The following PHLDA3 variants were observed in gnomAD, a reference collection of about 807,000 sequenced individuals.
The protein encoded by PHLDA3 is pleckstrin homology-like domain family A member 3.
A neutral mutation model predicts 7.6 loss-of-function variants in PHLDA3; 12 were observed. That is an observed-to-expected ratio of 1.58 (90% CI 1.01 to 2.55). PHLDA3 has a LOEUF of 2.55. Among genes scored for constraint, PHLDA3 ranks in the 30% most tolerant of loss-of-function variants. The pLI, the probability that PHLDA3 is intolerant of heterozygous loss-of-function variation, is 0.00. For missense variants in PHLDA3, 177 were observed against 175.6 expected (o/e 1.01, Z -0.05); for synonymous variants, 104 against 85.1 (o/e 1.22, Z -1.23).
chr1:201,467,847 T>C (rs1047756785), intron 1 of PHLDA3, among the ~76,000 whole-genome samples: 4 of 152,196 alleles, frequency 2.6e-5, no homozygotes, highest in African/African-American at 9.7e-5. Context: ...TCTACATCAA[T>C]TCAATGCTCA....
At chr1:201,466,928 T>C (rs1288357938) in intron 1 of PHLDA3, among the ~76,000 whole-genome samples, 1 of 151,922 alleles carries the variant, frequency 6.6e-6, no homozygotes, top group East Asian at 1.9e-4. Flanking sequence ...CCCCACCCCT[T>C]GGCATCAGTG....
Position 201,468,420 on chromosome 1 carries a change from C to G in PHLDA3, c.367G>C (p.Gly123Arg), listed in dbSNP as rs1409941030. 2.5e-6 allele frequency: 4 copies of G among 1,613,934 alleles called. No individual in the cohort carries two copies. Among genetic ancestry groups the G allele is most frequent in the African/African-American group, 1.3e-5 (1 of 74,938 alleles). The change falls in exon 1 of 2, where the codon GGG (glycine) becomes CGG (arginine). Residue 123 changes from glycine (G) to arginine (R), a missense_variant. Transcript: ENST00000367311. ...TVRARQSLGT[G>R]TLVS The stretch of plus-strand genomic sequence containing the variant: ...CCGGTGGTTTAGGACACGAGGGTCC[C>G]GGTCCCGAGGCTCTGCCGGGCCCGC...
intron 1 of PHLDA3, 46 bp downstream of exon 1, chr1:201,468,295 G>A (rs1663723282): frequency 2.5e-6 from 3 of 1,221,050 alleles, no homozygotes; most frequent in Admixed American, 2.2e-5. Flanking sequence ...AGGGGAAAGA[G>A]AAGGGAGGGA....
At position 201,464,869 on chromosome 1, in the gene PHLDA3, G is replaced by T. The variant is rs1454779030; in HGVS notation, c.*1372C>A. ...GCTTTGTCACCTAGGCTGGAGTGCA[G>T]TGGTGCCATCTCAGCTCACTGTAAC... On this transcript the variant is annotated 3_prime_UTR_variant, in exon 2 of 2. Coordinates refer to ENST00000367311, the MANE Select transcript of PHLDA3 (RefSeq NM_012396.5). 1.3e-5 allele frequency: 2 copies of T among 152,202 alleles called. No homozygotes were observed. The highest frequency in any genetic ancestry group is 4.8e-5 in the African/African-American group (2 of 41,418). 9.4% of individuals were successfully genotyped at this position (152,202 alleles called of 1,614,324 possible).
At chr1:201,466,977 T>C (rs1242438421) in intron 1 of PHLDA3, among the ~76,000 whole-genome samples, 1 of 152,156 alleles carries the variant, frequency 6.6e-6, no homozygotes, top group Non-Finnish European at 1.5e-5. Flanking sequence ...TTCAGCTCCC[T>C]TGCTCTCCTA....
chr1:201,469,037 C>G lies in PHLDA3; in HGVS notation c.-251G>C. On this transcript the variant is annotated 5_prime_UTR_variant, in exon 1 of 2. Transcript: ENST00000367311. The stretch of plus-strand genomic sequence containing the variant: ...CACCCGCTCCTCCGCTCTACCCCAG[C>G]TGGCCCAGCCCGACCCGCCTCTGCC... 1 of 398,390 alleles carries G rather than the reference C, an allele frequency of 2.5e-6. No individual in the cohort carries two copies. 24.7% of individuals were successfully genotyped at this position (398,390 alleles called of 1,614,324 possible). A position where few individuals can be genotyped will look rare whatever the true frequency, so the allele number is the denominator to read the frequency against.
At chr1:201,466,561 A>T (rs1274429806) in intron 1 of PHLDA3, 2 of 152,040 alleles carry the variant, frequency 1.3e-5, no homozygotes, top group Non-Finnish European at 2.9e-5. Flanking sequence ...GTGGGGAGAG[A>T]AGGATCTAGG....
chr1:201,468,516 C>G lies in PHLDA3; in HGVS notation c.271G>C (p.Asp91His). The change falls in exon 1 of 2, where the codon GAT becomes CAT. Residue 91 changes from aspartate (D) to histidine (H), a missense_variant. Transcript: ENST00000367311. ...GTGATCTGGGCGTTCCAGCCGGGATCTTCCAGGGGGCAGCGGAAGTCGATC... is the reference window on the plus strand; with the variant it reads ...GTGATCTGGGCGTTCCAGCCGGGATGTTCCAGGGGGCAGCGGAAGTCGATC... ...GEIDFRCPLE[D>H]PGWNAQITLG... 3 of 1,614,204 alleles carry G rather than the reference C, an allele frequency of 1.9e-6. No individual in the cohort carries two copies. The African/African-American group carries it at 4.0e-5, about 22-fold the overall frequency.
chr1:201,469,043 C>T lies in PHLDA3; in HGVS notation c.-257G>A. ...CTCCTCCGCTCTACCCCAGCTGGCC[C>T]AGCCCGACCCGCCTCTGCCAGATGC... is the stretch of plus-strand genomic sequence containing the variant. On this transcript the variant is annotated 5_prime_UTR_variant, in exon 1 of 2. Transcript: ENST00000367311. The T allele has an allele frequency of 2.6e-6, 1 of 389,792 alleles. No homozygotes were observed. Among genetic ancestry groups the T allele is most frequent in the Non-Finnish European group, 4.5e-6 (1 of 224,598 alleles). 24.1% of individuals were successfully genotyped at this position (389,792 alleles called of 1,614,324 possible). A position where few individuals can be genotyped will look rare whatever the true frequency, so the allele number is the denominator to read the frequency against.
intron 1 of PHLDA3, 109 bp downstream of exon 1, chr1:201,468,232 C>T: frequency 1.2e-6 from 1 of 816,478 alleles, no homozygotes; most frequent in Middle Eastern, 3.6e-4. Flanking sequence ...CCAGGAACCT[C>T]CCCCCTAAGA....
rs376646604 is a variant in PHLDA3 at position 201,467,092 on chromosome 1, C to G, written c.*63-914G>C. On this transcript the variant is annotated intron_variant, in intron 1 of 1. Transcript: ENST00000367311. ...TTGGGAGGCCAAGGTGGGCAGATTGCTTGAGCTCAGGAGTTCGAAACCAGC... is the reference window on the plus strand; with the variant it reads ...TTGGGAGGCCAAGGTGGGCAGATTGGTTGAGCTCAGGAGTTCGAAACCAGC... Among the ~76,000 whole-genome samples, 27 of 152,218 alleles carry G rather than the reference C, an allele frequency of 1.8e-4. No individual in the cohort carries two copies. The South Asian group carries it at 4.8e-3, about 27-fold the overall frequency.
At position 201,468,862 on chromosome 1, in the gene PHLDA3, C is replaced by T; in HGVS notation, c.-76G>A. 1 of 1,384,368 alleles carries T rather than the reference C, an allele frequency of 7.2e-7. No individual in the cohort carries two copies. The allele number at this position is 1,384,368 out of a possible 1,614,324, so 85.8% of individuals were successfully genotyped here. A position where few individuals can be genotyped will look rare whatever the true frequency, so the allele number is the denominator to read the frequency against. On this transcript the variant is annotated 5_prime_UTR_variant, in exon 1 of 2. Transcript: ENST00000367311. ...CCTCTCGGCCCCGCAGCGCAGGATT[C>T]TGGCGCCCCGGGCTGGCAGGCCGTG...
At chr1:201,467,720 A>T (rs1400118321) in intron 1 of PHLDA3, 1 of 153,124 alleles carries the variant, frequency 6.5e-6, no homozygotes, top group Admixed American at 6.6e-5. Flanking sequence ...GGCCCAGTCC[A>T]GCCAAGGCGG....
In PHLDA3 at chr1:201,468,545, C is replaced by A; in HGVS notation, c.242G>T (p.Gly81Val). Residue 81 changes from glycine (G) to valine (V), a missense_variant, in exon 1 of 2, where the codon GGC becomes GTC. By Grantham distance (109) the Gly-to-Val change is moderately radical. Transcript: ENST00000367311. ...CAGGGGGCAGCGGAAGTCGATCTCG[C>A]CGCCCCCTTCGGTCACCAGCGTGAA... ...IYFTLVTEGG[G>V]EIDFRCPLED... is the part of the protein sequence containing the mutation. The A allele has an allele frequency of 6.2e-7, 1 of 1,614,156 alleles. No individual in the cohort carries two copies. The highest frequency in any genetic ancestry group is 8.5e-7 in the Non-Finnish European group (1 of 1,180,034).
In PHLDA3 at chr1:201,468,898, A is replaced by G. The variant is rs1317651634; in HGVS notation, c.-112T>C. 10 of 1,208,540 alleles carry G rather than the reference A, an allele frequency of 8.3e-6. No homozygotes were observed. The highest frequency in any genetic ancestry group is 9.7e-6 in the Non-Finnish European group (9 of 930,556). The allele number at this position is 1,208,540 out of a possible 1,614,324, so 74.9% of individuals were successfully genotyped here. On this transcript the variant is annotated 5_prime_UTR_variant, in exon 1 of 2. Transcript: ENST00000367311. ...GGCTGGCAGGCCGTGCGCGCTGCCC[A>G]CCTGCGCCCTGACTGCTCCGCGCAC...
Position 201,468,533 on chromosome 1 carries a change from A to T in PHLDA3, c.254T>A (p.Phe85Tyr), listed in dbSNP as rs1475770961. The T allele has an allele frequency of 6.2e-7, 1 of 1,613,928 alleles. No individual in the cohort carries two copies. Among genetic ancestry groups the T allele is most frequent in the Non-Finnish European group, 8.5e-7 (1 of 1,180,002 alleles). ...GCCGGGATCTTCCAGGGGGCAGCGG[A>T]AGTCGATCTCGCCGCCCCCTTCGGT... ...LVTEGGGEID[F>Y]RCPLEDPGWN... The change falls in exon 1 of 2, where the codon TTC becomes TAC. Residue 85 changes from phenylalanine to tyrosine, a missense_variant. Coordinates refer to ENST00000367311, the MANE Select transcript of PHLDA3 (RefSeq NM_012396.5).
rs907561047 is a variant in PHLDA3, at chr1:201,469,034, C to G, written c.-248G>C. On this transcript the variant is annotated 5_prime_UTR_variant, in exon 1 of 2. Transcript: ENST00000367311. ...CGGCACCCGCTCCTCCGCTCTACCC[C>G]AGCTGGCCCAGCCCGACCCGCCTCT... The G allele has an allele frequency of 1.7e-5, 7 of 403,690 alleles. No individual in the cohort carries two copies. The East Asian group carries it at 2.2e-4, about 13-fold the overall frequency. The allele number at this position is 403,690 out of a possible 1,614,324, so 25.0% of individuals were successfully genotyped here. A position where few individuals can be genotyped will look rare whatever the true frequency, so the allele number is the denominator to read the frequency against.
Position 201,468,842 on chromosome 1 carries a change from C to A in PHLDA3, c.-56G>T, listed in dbSNP as rs1663753423. ...GCTGCGGCGGGCGCGGCGCCCCTCT[C>A]GGCCCCGCAGCGCAGGATTCTGGCG... is the stretch of plus-strand genomic sequence containing the variant. On this transcript the variant is annotated 5_prime_UTR_variant, in exon 1 of 2. Transcript: ENST00000367311. The A allele has an allele frequency of 2.7e-6, 4 of 1,454,796 alleles. No homozygotes were observed. The Admixed American group carries it at 8.5e-5, about 31-fold the overall frequency. 90.1% of individuals were successfully genotyped at this position (1,454,796 alleles called of 1,614,324 possible). A position where few individuals can be genotyped will look rare whatever the true frequency, so the allele number is the denominator to read the frequency against.
chr1:201,467,763 A>G (rs979601912), intron 1 of PHLDA3, among the ~76,000 whole-genome samples: 2 of 151,794 alleles, frequency 1.3e-5, no homozygotes, highest in African/African-American at 4.8e-5. Flanking sequence ...CTGAGGCCCC[A>G]CCTTGGGAGC....
Sources: allele counts gnomAD v4.1 joint callset (sites outside exome capture counted in the v4.1 genomes callset), GRCh38; gene constraint gnomAD v4.1.1; transcripts MANE v1.5; gene names NCBI Gene and HGNC (gene_info 2026-07-23, HGNC 2026-07-21).